The following PDE4D variants were observed in gnomAD, a reference collection of about 807,000 sequenced individuals.
The protein encoded by PDE4D is phosphodiesterase 4D, also known as 3',5'-cyclic-AMP phosphodiesterase 4D.
A neutral mutation model predicts 87.4 loss-of-function variants in PDE4D; 24 were observed. The observed-to-expected ratio is 0.27, with a 90% CI of 0.20 to 0.39. PDE4D has a LOEUF of 0.39. Among genes scored for constraint, PDE4D ranks in the 10% least tolerant of loss-of-function variants. The pLI, the probability that PDE4D is intolerant of heterozygous loss-of-function variation, is 1.00. For missense variants in PDE4D, 714 were observed against 1,041.0 expected, an observed-to-expected ratio of 0.69 and a Z score of 4.32; for synonymous variants, 384 against 383.2, an observed-to-expected ratio of 1.00 and a Z score of -0.02.
intron 1 of PDE4D, chr5:59,276,032 C>T: frequency 2.0e-6 from 2 of 980,282 alleles, no homozygotes; most frequent in Non-Finnish European, 1.2e-6. Context: ...TGAGAACTAT[C>T]ATTCAATCTC....
intron 4 of PDE4D, among the ~76,000 whole-genome samples, chr5:59,182,220 G>C (rs1351391057): frequency 6.6e-6 from 1 of 151,662 alleles, no homozygotes; most frequent in Non-Finnish European, 1.5e-5. Context: ...AATAGCTCTG[G>C]TCTATATACC....
chr5:59,713,974 G>A (rs1754605405), intron 1 of PDE4D, among the ~76,000 whole-genome samples: 1 of 152,210 alleles, frequency 6.6e-6, no homozygotes, highest in Non-Finnish European at 1.5e-5. Context: ...TCCAGGTGCA[G>A]GTGGGGTGCC....
intron 8 of PDE4D, 78 bp downstream of exon 8, chr5:58,991,754 A>G (rs970409666): frequency 9.4e-5 from 88 of 937,970 alleles, no homozygotes; most frequent in South Asian, 2.1e-4. Context: ...TTTTCTATCC[A>G]TTTAAAAGAC....
chr5:59,715,184 G>A (rs555879229), intron 1 of PDE4D, among the ~76,000 whole-genome samples: 11 of 152,324 alleles, frequency 7.2e-5, no homozygotes, highest in Non-Finnish European at 1.3e-4. Context: ...ACAACCCCCC[G>A]GACTGGGACA....
chr5:60,395,865 C>T (rs1762851002), intron 1 of PDE4D, among the ~76,000 whole-genome samples: 1 of 152,068 alleles, frequency 6.6e-6, no homozygotes, highest in Non-Finnish European at 1.5e-5. Flanking sequence ...GTTTGAGCCC[C>T]CTAACCAATA....
intron 1 of PDE4D, among the ~76,000 whole-genome samples, chr5:59,864,514 C>G (rs1033630879): frequency 6.6e-6 from 1 of 152,178 alleles, no homozygotes; most frequent in Admixed American, 6.5e-5. Flanking sequence ...TACCCTCTCA[C>G]CAATAATTAT....
At chr5:59,836,075 G>C (rs1336951260) in intron 1 of PDE4D, among the ~76,000 whole-genome samples, 1 of 151,962 alleles carries the variant, frequency 6.6e-6, no homozygotes, top group East Asian at 1.9e-4. Context: ...TATTGAGGCT[G>C]TTGTGAAGAC....
intron 2 of PDE4D, among the ~76,000 whole-genome samples, chr5:60,109,639 A>T (rs1306600834): frequency 2.6e-5 from 4 of 152,246 alleles, no homozygotes; most frequent in Non-Finnish European, 2.9e-5. Context: ...AGACTGGATT[A>T]AGAAAATGTG....
chr5:60,236,680 C>T (rs560387217), intron 1 of PDE4D, among the ~76,000 whole-genome samples: 3 of 151,884 alleles, frequency 2.0e-5, no homozygotes, highest in Non-Finnish European at 2.9e-5. Context: ...ACTTTAATCA[C>T]AGGGGTTCTG....
intron 1 of PDE4D, among the ~76,000 whole-genome samples, chr5:59,538,014 C>T (rs1815585876): frequency 6.6e-6 from 1 of 152,180 alleles, no homozygotes; most frequent in Non-Finnish European, 1.5e-5. Context: ...TAGACCATCC[C>T]TGTTGTGTCA....
chr5:59,662,702 T>G (rs540431218), intron 1 of PDE4D, among the ~76,000 whole-genome samples: 45 of 152,358 alleles, frequency 3.0e-4, no homozygotes, highest in African/African-American at 1.1e-3. Flanking sequence ...TGAAAATAAT[T>G]TGAATAATAA....
At chr5:59,120,070 T>G (rs1774238754) in intron 5 of PDE4D, among the ~76,000 whole-genome samples, 1 of 152,136 alleles carries the variant, frequency 6.6e-6, no homozygotes, top group Non-Finnish European at 1.5e-5. Context: ...TGGCCTTAAG[T>G]GATCCTCCTA....
At chr5:59,432,588 C>T (rs1037524856) in intron 1 of PDE4D, among the ~76,000 whole-genome samples, 4 of 152,216 alleles carry the variant, frequency 2.6e-5, no homozygotes, top group African/African-American at 4.8e-5. Flanking sequence ...CCTGCCAAGA[C>T]TATCCATTGT....
Position 60,076,454 on chromosome 5 carries a change from G to T in PDE4D, c.43-87737C>A, listed in dbSNP as rs1773305306. ...ATTACAGGTGTGAGCCACCACGCCT[G>T]GCCTGTTCCTCCAATCTTTGAAATT... On this transcript the variant is annotated intron_variant, in intron 2 of 16. Transcript: ENST00000502484. 2.6e-5 allele frequency among the ~76,000 whole-genome samples: 4 copies of T among 152,176 alleles called. No homozygotes were observed. The South Asian group carries it at 8.3e-4, about 32-fold the overall frequency.
intron 5 of PDE4D, among the ~76,000 whole-genome samples, chr5:59,167,772 T>C (rs1174768309): frequency 6.6e-6 from 1 of 152,208 alleles, no homozygotes; most frequent in Non-Finnish European, 1.5e-5. Flanking sequence ...TTTTAGCTTT[T>C]TAAGTTCCAC....
chr5:59,493,534 C>T (rs1806608901), intron 1 of PDE4D, among the ~76,000 whole-genome samples: 1 of 152,188 alleles, frequency 6.6e-6, no homozygotes, highest in Non-Finnish European at 1.5e-5. Context: ...TTCCCATCTA[C>T]TCTGTTTCTC....
intron 1 of PDE4D, among the ~76,000 whole-genome samples, chr5:59,542,919 C>A (rs1016931942): frequency 1.3e-5 from 2 of 152,108 alleles, no homozygotes; most frequent in Non-Finnish European, 2.9e-5. Flanking sequence ...CTGAAACAAG[C>A]CGCCTCCAAA....
At chr5:59,576,233 T>A (rs917522213) in intron 1 of PDE4D, among the ~76,000 whole-genome samples, 1 of 152,094 alleles carries the variant, frequency 6.6e-6, no homozygotes, top group East Asian at 1.9e-4. Flanking sequence ...ATGTTACAGA[T>A]CATGGAGAGG....
intron 1 of PDE4D, among the ~76,000 whole-genome samples, chr5:60,291,893 C>A (rs4700371): frequency 6.6e-6 from 1 of 151,734 alleles, no homozygotes; most frequent in Non-Finnish European, 1.5e-5. Flanking sequence ...AATTTGTATG[C>A]AATATGGGAA....
Sources: allele counts gnomAD v4.1 joint callset (sites outside exome capture counted in the v4.1 genomes callset), GRCh38; gene constraint gnomAD v4.1.1; transcripts MANE v1.5; gene names NCBI Gene and HGNC (gene_info 2026-07-23, HGNC 2026-07-21).